The following SNUPN variants were observed in gnomAD, a reference collection of about 807,000 sequenced individuals.
SNUPN encodes the protein snurportin 1.
A neutral mutation model predicts 39.2 loss-of-function variants in SNUPN; 31 were observed. That is an observed-to-expected ratio of 0.79 (90% CI 0.59 to 1.07). The LOEUF (loss-of-function observed/expected upper bound fraction) is 1.07. Among genes scored for constraint, SNUPN ranks in the 50% least tolerant of loss-of-function variants. The pLI, the probability that SNUPN is intolerant of heterozygous loss-of-function variation, is 0.00. For synonymous variants in SNUPN, 132 were observed against 159.0 expected (o/e 0.83, Z 1.28); for missense variants, 382 against 434.2 (o/e 0.88, Z 1.07).
chr15:75,620,854 T>A, intron 2 of SNUPN, 40 bp downstream of exon 2: 2 of 1,591,076 alleles, frequency 1.3e-6, no homozygotes, highest in South Asian at 1.1e-5. Context: ...TCATAGCTCC[T>A]AGCCCAGAGA....
Position 75,601,174 on chromosome 15 carries a change from G to A in SNUPN, c.723C>T (p.Ser241=). The change falls in exon 8 of 9, where the codon AGC becomes AGT. Residue 241 remains serine (S), a synonymous_variant. Coordinates refer to ENST00000308588, the MANE Select transcript of SNUPN (RefSeq NM_005701.4). The part of the protein sequence containing the change: ...GLKNFPCTPE[S]LCDVLSMDFP... ...AATCCATAGATAGCACATCACACAGGCTTTCGGGAGTGCAAGGGAAGTTCT... is the reference window on the plus strand; with the variant it reads ...AATCCATAGATAGCACATCACACAGACTTTCGGGAGTGCAAGGGAAGTTCT... The A allele has an allele frequency of 6.2e-7, 1 of 1,613,786 alleles. No individual in the cohort carries two copies. Among genetic ancestry groups the A allele is most frequent in the Non-Finnish European group, 8.5e-7 (1 of 1,179,762 alleles).
At position 75,599,934 on chromosome 15, in the gene SNUPN, C is replaced by T. The variant is rs1225052277; in HGVS notation, c.759+1204G>A. Among the ~76,000 whole-genome samples, 4 of 151,858 alleles carry T rather than the reference C, an allele frequency of 2.6e-5. No homozygotes were observed. In the East Asian group the frequency reaches 7.8e-4, roughly 29 times the overall value. On this transcript the variant is annotated intron_variant, in intron 8 of 8. Transcript: ENST00000308588. ...GATCTCAGCTCAGTGCAACCTCCGC[C>T]TCCCGGGTTCAAGAGATTCTCCTGC...
At chr15:75,616,044 A>G (rs1217893972) in intron 3 of SNUPN, among the ~76,000 whole-genome samples, 1 of 152,158 alleles carries the variant, frequency 6.6e-6, no homozygotes, top group Non-Finnish European at 1.5e-5. Context: ...ATGCTTACTG[A>G]ACAAAATTGA....
At chr15:75,622,223 T>A (rs1391464019) in intron 1 of SNUPN, 2 of 491,252 alleles carry the variant, frequency 4.1e-6, no homozygotes, top group Non-Finnish European at 5.3e-6. Context: ...AAGTAAAAAA[T>A]TATTTTAAAT....
At chr15:75,617,180 C>T (rs1172597619) in intron 3 of SNUPN, among the ~76,000 whole-genome samples, 2 of 152,244 alleles carry the variant, frequency 1.3e-5, no homozygotes, top group Non-Finnish European at 2.9e-5. Context: ...TTCCCAAACC[C>T]CACTACCCAC....
At chr15:75,612,134 G>A (rs989550524) in intron 3 of SNUPN, among the ~76,000 whole-genome samples, 2 of 150,738 alleles carry the variant, frequency 1.3e-5, no homozygotes, top group Non-Finnish European at 2.9e-5. Flanking sequence ...CCGGGTTCAA[G>A]CGATCCTCCC....
At chr15:75,622,282 T>G in intron 1 of SNUPN, 1 of 821,948 alleles carries the variant, frequency 1.2e-6, no homozygotes, top group Non-Finnish European at 1.5e-6. Flanking sequence ...CATATTCTAG[T>G]TGTGTTTTGT....
chr15:75,624,673 A>G, intron 1 of SNUPN: 2 of 1,173,026 alleles, frequency 1.7e-6, no homozygotes, highest in South Asian at 1.6e-5. Context: ...AAGAAAAAAA[A>G]AAGAAAAACT....
intron 3 of SNUPN, among the ~76,000 whole-genome samples, chr15:75,611,127 C>T (rs1595985212): frequency 6.6e-6 from 1 of 150,980 alleles, no homozygotes; most frequent in East Asian, 2.0e-4. Context: ...AAGATCACGC[C>T]ACTGCACTCC....
intron 6 of SNUPN, 64 bp downstream of exon 6, chr15:75,607,152 G>A: frequency 1.7e-6 from 2 of 1,202,286 alleles, no homozygotes; most frequent in Non-Finnish European, 2.5e-6. Context: ...CCCACATGCT[G>A]AGCCGCTTTC....
intron 2 of SNUPN, among the ~76,000 whole-genome samples, chr15:75,618,220 A>G (rs149315693): frequency 0.012 from 1,876 of 152,138 alleles, 23 homozygotes; most frequent in South Asian, 0.035. Context: ...TCATCCAAAG[A>G]CCCCAGGGGT....
At chr15:75,611,803 C>T (rs1287152980) in intron 3 of SNUPN, among the ~76,000 whole-genome samples, 1 of 151,674 alleles carries the variant, frequency 6.6e-6, no homozygotes, top group Non-Finnish European at 1.5e-5. Flanking sequence ...TGCAGTGAGC[C>T]GAGATAGCAC....
chr15:75,607,269 A>G lies in SNUPN; in HGVS notation c.547T>C (p.Tyr183His). Residue 183 changes from tyrosine (Y) to histidine (H), a missense_variant, in exon 6 of 9, where the codon TAC becomes CAC. Transcript: ENST00000308588. Reference protein sequence around the residue: ...DCIYNEVNQTYYVLDVMCWRG... With the variant: ...DCIYNEVNQTHYVLDVMCWRG... ...CAGCACATCACATCCAGAACGTAGT[A>G]GGTCTGGTTTACCTCATTGTAAATG... 1 of 1,613,820 alleles carries G rather than the reference A, an allele frequency of 6.2e-7. No homozygotes were observed. The highest frequency in any genetic ancestry group is 1.3e-5 in the African/African-American group (1 of 75,060).
chr15:75,616,434 G>C (rs553153058), intron 3 of SNUPN, among the ~76,000 whole-genome samples: 24 of 151,602 alleles, frequency 1.6e-4, no homozygotes, highest in Non-Finnish European at 2.8e-4. Context: ...CTCCAGCCTG[G>C]GCAACAAGAG....
chr15:75,618,860 G>A (rs998484302), intron 2 of SNUPN, among the ~76,000 whole-genome samples: 1 of 152,080 alleles, frequency 6.6e-6, no homozygotes, highest in Non-Finnish European at 1.5e-5. Flanking sequence ...ATGCCCATCA[G>A]GAGGGACTGG....
intron 7 of SNUPN, 46 bp from the exon 8 acceptor site, chr15:75,601,264 C>T (rs765268653): frequency 7.7e-7 from 1 of 1,306,094 alleles, no homozygotes; most frequent in Non-Finnish European, 1.1e-6. Context: ...ATAAATGATA[C>T]TGGCCCAAGC....
At chr15:75,608,893 A>G (rs1892697976) in intron 5 of SNUPN, among the ~76,000 whole-genome samples, 1 of 151,906 alleles carries the variant, frequency 6.6e-6, no homozygotes, top group Non-Finnish European at 1.5e-5. Flanking sequence ...AATCCCAGCA[A>G]TTTGGGAGGC....
chr15:75,601,370 A>G (rs2075285386), intron 7 of SNUPN, 152 bp from the exon 8 acceptor site: 1 of 582,574 alleles, frequency 1.7e-6, no homozygotes, highest in Non-Finnish European at 3.1e-6. Flanking sequence ...AGGTCAAGAA[A>G]TCAAGACAAG....
chr15:75,602,636 C>T (rs1039644502), intron 7 of SNUPN, among the ~76,000 whole-genome samples: 2 of 151,830 alleles, frequency 1.3e-5, no homozygotes, highest in Admixed American at 6.6e-5. Flanking sequence ...GACAGAGTTG[C>T]GCTCTTTCAC....
Sources: gnomAD v4.1 joint callset for allele counts (sites outside exome capture counted in the v4.1 genomes callset) on GRCh38, gnomAD v4.1.1 for gene constraint, MANE v1.5 for transcripts, NCBI Gene and HGNC (gene_info 2026-07-23, HGNC 2026-07-21) for gene names.